HAAO: variants seen among roughly 807,000 people sequenced by gnomAD.
HAAO encodes the protein 3-hydroxyanthranilate 3,4-dioxygenase.
In HAAO, 49 loss-of-function variants were observed where a neutral mutation model predicts 46.2. The ratio of observed to expected loss-of-function variants is 1.06; its 90% confidence interval spans 0.84 to 1.34. The LOEUF is 1.34. Among genes scored for constraint, HAAO ranks in the 40% most tolerant of loss-of-function variants. The pLI is 0.00. For missense variants in HAAO, 408 were observed against 364.5 expected (o/e 1.12, Z -0.97); for synonymous variants, 157 against 145.2 (o/e 1.08, Z -0.58).
rs898368562 is a variant in HAAO, at chr2:42,767,184, G to T, written c.*253C>A. 1 of 590,728 alleles carries T rather than the reference G, an allele frequency of 1.7e-6. No individual in the cohort carries two copies. Among genetic ancestry groups the T allele is most frequent in the Admixed American group, 2.9e-5 (1 of 34,306 alleles). The allele number at this position is 590,728 out of a possible 1,614,324, so 36.6% of individuals were successfully genotyped here. A position where few individuals can be genotyped will look rare whatever the true frequency, so the allele number is the denominator to read the frequency against. ...GAGGAATGGGCAGGAGCGGGGCCGG[G>T]GGTAGACCACCTGGCAAGACTGGCA... On this transcript the variant is annotated 3_prime_UTR_variant, in exon 10 of 10. Coordinates refer to ENST00000294973, the MANE Select transcript of HAAO (RefSeq NM_012205.3).
intron 4 of HAAO, among the ~76,000 whole-genome samples, chr2:42,777,291 A>G (rs1231143886): frequency 7.0e-6 from 1 of 143,662 alleles, no homozygotes; most frequent in Admixed American, 7.1e-5. Flanking sequence ...TGACAGAGCA[A>G]GACTCTTATC....
chr2:42,779,050 T>C (rs1309162341), intron 4 of HAAO, among the ~76,000 whole-genome samples: 1 of 151,862 alleles, frequency 6.6e-6, no homozygotes, highest in East Asian at 1.9e-4. Flanking sequence ...GAGGTGGAGA[T>C]TGCAGTGAGC....
rs866117467 is a variant in HAAO at position 42,770,164 on chromosome 2, T to A, written c.463A>T (p.Arg155Ter). The A allele has an allele frequency of 6.2e-7, 1 of 1,603,104 alleles. No homozygotes were observed. The highest frequency in any genetic ancestry group is 8.5e-7 in the Non-Finnish European group (1 of 1,173,866). ...IQEFFSSEQYRTGKPIPDQLL... is the reference protein window; with the variant it reads ...IQEFFSSEQY Reference sequence around the variant, plus strand: ...TCACCAGGGATGGGCTTTCCTGTTCTGTACTGCTCAGAGCTGAAGAACCTG... The same window carrying A: ...TCACCAGGGATGGGCTTTCCTGTTCAGTACTGCTCAGAGCTGAAGAACCTG... The change falls in exon 6 of 10, where the codon AGA (arginine) becomes TGA (stop). Residue 155 changes from arginine to a stop codon, truncating the protein, a stop_gained. Transcript: ENST00000294973. LOFTEE classifies it high-confidence loss of function.
At chr2:42,784,276 A>G (rs1672230533) in intron 2 of HAAO, among the ~76,000 whole-genome samples, 2 of 152,160 alleles carry the variant, frequency 1.3e-5, no homozygotes, top group Admixed American at 6.5e-5. Context: ...CATTAACCCC[A>G]ATCAGCAGAA....
chr2:42,770,616 C>G, intron 4 of HAAO, 34 bp from the exon 5 acceptor site: 2 of 1,445,936 alleles, frequency 1.4e-6, no homozygotes, highest in Non-Finnish European at 1.9e-6. Context: ...CCCTGCTGTC[C>G]CCATCTGGGT....
At chr2:42,777,113 C>T (rs60605325) in intron 4 of HAAO, among the ~76,000 whole-genome samples, 28,192 of 150,986 alleles carry the variant, frequency 0.19, 2,973 homozygotes, top group Non-Finnish European at 0.25. Flanking sequence ...ACCAGCCTGG[C>T]CAACATGGTG....
At chr2:42,774,869 T>G (rs1671422261) in intron 4 of HAAO, among the ~76,000 whole-genome samples, 3 of 152,188 alleles carry the variant, frequency 2.0e-5, no homozygotes, top group African/African-American at 7.2e-5. Flanking sequence ...CTACCTGACT[T>G]GATAAAATCC....
At position 42,783,427 on chromosome 2, in the gene HAAO, T is replaced by G; in HGVS notation, c.244-7A>C. Reference sequence around the variant, plus strand: ...TGGCAGGCAGGAGGAATATCTGCAGTGGTAGAGATAAGGTGCACAGTGAGG... The same window carrying G: ...TGGCAGGCAGGAGGAATATCTGCAGGGGTAGAGATAAGGTGCACAGTGAGG... On this transcript the variant is annotated splice_region_variant and splice_polypyrimidine_tract_variant and intron_variant, in intron 3 of 9. Transcript: ENST00000294973. The G allele has an allele frequency of 6.4e-7, 1 of 1,559,310 alleles. No individual in the cohort carries two copies. Among genetic ancestry groups the G allele is most frequent in the South Asian group, 1.1e-5 (1 of 89,172 alleles).
chr2:42,770,924 C>T (rs543680200), intron 4 of HAAO, among the ~76,000 whole-genome samples: 1 of 152,352 alleles, frequency 6.6e-6, no homozygotes, highest in East Asian at 1.9e-4. Context: ...GTGGCGGAAG[C>T]AGGCCAGTCT....
intron 4 of HAAO, chr2:42,782,791 C>CT: frequency 2.7e-6 from 1 of 368,656 alleles, no homozygotes; most frequent in South Asian, 2.1e-5. Context: ...CCCCTTCCCA[C>CT]TTTGAGTCTT....
At chr2:42,771,921 G>T (rs1203154749) in intron 4 of HAAO, among the ~76,000 whole-genome samples, 4 of 152,264 alleles carry the variant, frequency 2.6e-5, no homozygotes, top group Non-Finnish European at 5.9e-5. Flanking sequence ...GGATGGCAGT[G>T]CCCTCCGGGA....
chr2:42,767,373 T>C lies in HAAO; in HGVS notation c.*64A>G. 8.9e-7 allele frequency: 1 copy of C among 1,128,524 alleles called. No homozygotes were observed. The highest frequency in any genetic ancestry group is 1.3e-6 in the Non-Finnish European group (1 of 749,394). The allele number at this position is 1,128,524 out of a possible 1,614,324, so 69.9% of individuals were successfully genotyped here. ...GGTAGTGGGGGCTGGGAGAGTTGTT[T>C]GGCAGGGATGGCACTCGAGGGTGCT... On this transcript the variant is annotated 3_prime_UTR_variant, in exon 10 of 10. Coordinates refer to ENST00000294973, the MANE Select transcript of HAAO (RefSeq NM_012205.3).
intron 1 of HAAO, among the ~76,000 whole-genome samples, chr2:42,791,884 G>C (rs773930938): frequency 3.3e-4 from 48 of 146,178 alleles, no homozygotes; most frequent in Non-Finnish European, 6.0e-4. Context: ...GCTGCAGGCA[G>C]AGGCTACTGG....
rs1195442031 is a variant in HAAO at position 42,767,613 on chromosome 2, A to G, written c.764T>C (p.Leu255Pro). ...RLSLAPDDSL[L>P]VLAGTSYAWE... ...TACTCACGAGGTCCCAGCTAGCACC[A>G]GGAGGCTGTCATCAGGGGCCAGGCT... is the stretch of plus-strand genomic sequence containing the variant. The change falls in exon 9 of 10, where the codon CTG becomes CCG. Residue 255 changes from leucine (L) to proline (P), a missense_variant. Transcript: ENST00000294973. 1.3e-6 allele frequency: 2 copies of G among 1,574,480 alleles called. No homozygotes were observed. Among genetic ancestry groups the G allele is most frequent in the Non-Finnish European group, 1.7e-6 (2 of 1,159,376 alleles).
At chr2:42,788,326 C>A (rs1003204939) in intron 2 of HAAO, among the ~76,000 whole-genome samples, 9 of 151,578 alleles carry the variant, frequency 5.9e-5, no homozygotes, top group Non-Finnish European at 1.0e-4. Context: ...GAGGTGCTAG[C>A]TGTGGAGGCG....
rs193218613 is a variant in HAAO at position 42,773,897 on chromosome 2, C to A, written c.351-3315G>T. 2.4e-3 allele frequency among the ~76,000 whole-genome samples: 368 copies of A among 152,158 alleles called. 2 individuals carry two copies. Among genetic ancestry groups the A allele is most frequent in the African/African-American group, 7.8e-3 (324 of 41,542 alleles). ...GTGCCACTGCGCCCGGCTACCTGCC[C>A]CCCATTGTATTCAAAGTGCCCCTCT... On this transcript the variant is annotated intron_variant, in intron 4 of 9. Transcript: ENST00000294973.
chr2:42,777,244 A>G (rs1376249381), intron 4 of HAAO, among the ~76,000 whole-genome samples: 1 of 141,972 alleles, frequency 7.0e-6, no homozygotes, highest in Non-Finnish European at 1.5e-5. Context: ...CAGAAGTCGC[A>G]GTGAGCCAAG....
At chr2:42,774,604 GT>G (rs895934279) in intron 4 of HAAO, among the ~76,000 whole-genome samples, 9 of 152,086 alleles carry the variant, frequency 5.9e-5, no homozygotes, top group African/African-American at 1.7e-4. Flanking sequence ...GGAAAAGGAG[GT>G]TTTTTTCCTG....
chr2:42,786,195 T>A (rs1467656262), intron 2 of HAAO, among the ~76,000 whole-genome samples: 1 of 152,066 alleles, frequency 6.6e-6, no homozygotes, highest in East Asian at 1.9e-4. Flanking sequence ...CTATACGATA[T>A]TGTCTCTATT....
Sources: gnomAD v4.1 joint callset for allele counts (sites outside exome capture counted in the v4.1 genomes callset) on GRCh38, gnomAD v4.1.1 for gene constraint, MANE v1.5 for transcripts, NCBI Gene and HGNC (gene_info 2026-07-23, HGNC 2026-07-21) for gene names.